Variants in DGKB observed in about 807,000 individuals in gnomAD.
DGKB encodes 90 kDa diacylglycerol kinase.
DGKB carries 67 observed loss-of-function variants against 114.3 expected under a neutral mutation model. The observed-to-expected ratio is 0.59, with a 90% CI of 0.48 to 0.72. DGKB has a LOEUF of 0.72. Among genes scored for constraint, DGKB ranks in the 30% least tolerant of loss-of-function variants. The probability of loss-of-function intolerance (pLI) is 0.00; values close to 1 mark genes in which losing one functional copy is unlikely to be tolerated. For synonymous variants in DGKB, 398 were observed against 323.1 expected, an observed-to-expected ratio of 1.23 and a Z score of -2.49; for missense variants, 907 against 975.2, an observed-to-expected ratio of 0.93 and a Z score of 0.93.
chr7:14,809,308 G>C (rs973637464), intron 2 of DGKB, among the ~76,000 whole-genome samples: 1 of 152,166 alleles, frequency 6.6e-6, no homozygotes, highest in Non-Finnish European at 1.5e-5. Context: ...TATAGTCCTA[G>C]TGCTCCTCAA....
chr7:14,654,424 G>T (rs1325463723), intron 13 of DGKB, among the ~76,000 whole-genome samples: 1 of 151,970 alleles, frequency 6.6e-6, no homozygotes. Context: ...CATGCTCATG[G>T]ATTAGAACAG....
chr7:14,150,395 C>CA (rs910489451), intron 25 of DGKB, among the ~76,000 whole-genome samples: 3 of 151,996 alleles, frequency 2.0e-5, no homozygotes, highest in Middle Eastern at 3.4e-3. Flanking sequence ...AGCAATGAAA[C>CA]AAAAAAATGT....
Position 14,827,419 on chromosome 7 carries a change from GGAGA to G in DGKB, c.70+13771_70+13774del, listed in dbSNP as rs368228854. 3.5e-4 allele frequency among the ~76,000 whole-genome samples: 53 copies of G among 149,734 alleles called. 1 individual carries two copies. Among genetic ancestry groups the G allele is most frequent in the South Asian group, 1.5e-3 (7 of 4,736 alleles). On this transcript the variant is annotated intron_variant, in intron 2 of 25. Coordinates refer to ENST00000402815, the MANE Select transcript of DGKB (RefSeq NM_001350709.2). ...GAGCATTTGCGGGGCAGAAAGACAG[GGAGA>G]GAGAGAGAGAGAGACAGACACAGAC... is the stretch of plus-strand genomic sequence containing the variant.
rs529201081 is a variant in DGKB at position 14,890,948 on chromosome 7, C to G, written c.-188+11644G>C. Among the ~76,000 whole-genome samples the G allele has an allele frequency of 2.0e-5, 3 of 150,856 alleles. No individual in the cohort carries two copies. The South Asian group carries it at 6.3e-4, about 31-fold the overall frequency. ...GAAAGCTCCAATGACTACACTTAGT[C>G]GAATTAAAAATAATTTCATTCTCTC... is the stretch of plus-strand genomic sequence containing the variant. On this transcript the variant is annotated intron_variant, in intron 1 of 25. Transcript: ENST00000402815.
intron 23 of DGKB, among the ~76,000 whole-genome samples, chr7:14,184,195 G>A (rs939462740): frequency 2.0e-5 from 3 of 152,276 alleles, no homozygotes; most frequent in East Asian, 1.9e-4. Context: ...GGGATCCAAC[G>A]GGAGGGTGAC....
Position 14,462,502 on chromosome 7 carries a change from C to G in DGKB, c.1835+15659G>C, listed in dbSNP as rs144877142. ...GTCATGAGTGAACTCCCATTCACAA[C>G]TGCTACAAAAAGAATAAAATACCTA... On this transcript the variant is annotated intron_variant, in intron 21 of 25. Transcript: ENST00000402815. 2.6e-3 allele frequency among the ~76,000 whole-genome samples: 392 copies of G among 152,138 alleles called. 2 individuals are homozygous for G. Among genetic ancestry groups the G allele is most frequent in the African/African-American group, 9.2e-3 (381 of 41,498 alleles).
chr7:14,426,613 T>C (rs888280727), intron 21 of DGKB, among the ~76,000 whole-genome samples: 6 of 152,186 alleles, frequency 3.9e-5, no homozygotes, highest in Admixed American at 3.9e-4. Context: ...GAGAATGAAG[T>C]ATCCTAGGCA....
At chr7:14,903,175 A>G (rs917353965), upstream of DGKB, 1 of 151,534 alleles carries the variant, frequency 6.6e-6, no homozygotes, top group Non-Finnish European at 1.5e-5. Flanking sequence ...TTAGTCCTTG[A>G]TTTATGTCAA....
intron 4 of DGKB, chr7:14,750,189 CA>C (rs777396995): frequency 3.9e-6 from 2 of 516,590 alleles, no homozygotes; most frequent in Non-Finnish European, 7.7e-6. Flanking sequence ...TTTCTAGCTT[CA>C]ATGCACATTA....
At chr7:14,239,167 A>AT (rs1260048179) in intron 23 of DGKB, among the ~76,000 whole-genome samples, 3 of 152,052 alleles carry the variant, frequency 2.0e-5, no homozygotes, top group Non-Finnish European at 2.9e-5. Context: ...TTCCTTTCAT[A>AT]TCTTTTCTGC....
At chr7:14,360,991 GA>G (rs571263781) in intron 21 of DGKB, among the ~76,000 whole-genome samples, 52 of 151,822 alleles carry the variant, frequency 3.4e-4, no homozygotes, top group South Asian at 2.1e-3. Context: ...CAAAAATCGA[GA>G]AAAAAATTAC....
intron 1 of DGKB, among the ~76,000 whole-genome samples, chr7:14,922,059 C>T (rs1381988715): frequency 6.6e-6 from 1 of 151,854 alleles, no homozygotes; most frequent in Non-Finnish European, 1.5e-5. Context: ...ATGATGACTT[C>T]GACAAAGAGC....
chr7:14,677,399 T>C lies in DGKB; in HGVS notation c.1036-4372A>G, dbSNP rs148739190. On this transcript the variant is annotated intron_variant, in intron 12 of 25. Transcript: ENST00000402815. Reference sequence around the variant, plus strand: ...CACCTGTTACACTGGCCCCTAATATTTTGCAGTTTGGGGTACTTCCTAAGA... The same window carrying C: ...CACCTGTTACACTGGCCCCTAATATCTTGCAGTTTGGGGTACTTCCTAAGA... 4.1e-3 allele frequency among the ~76,000 whole-genome samples: 617 copies of C among 152,146 alleles called. 5 individuals are homozygous for C. The highest frequency in any genetic ancestry group is 0.011 in the African/African-American group (471 of 41,538).
chr7:14,442,441 A>G (rs1247597060), intron 21 of DGKB, among the ~76,000 whole-genome samples: 2 of 152,004 alleles, frequency 1.3e-5, no homozygotes, highest in African/African-American at 4.8e-5. Context: ...CTTTCAGTAA[A>G]CAAATATCTA....
chr7:14,418,307 G>A (rs1237911406), intron 21 of DGKB, among the ~76,000 whole-genome samples: 11 of 88,772 alleles, frequency 1.2e-4, no homozygotes. Flanking sequence ...ATATATGTAT[G>A]TATATATGTA....
intron 20 of DGKB, among the ~76,000 whole-genome samples, chr7:14,515,661 G>T (rs901036564): frequency 6.6e-6 from 1 of 152,156 alleles, no homozygotes; most frequent in Non-Finnish European, 1.5e-5. Flanking sequence ...ATTCAGCACT[G>T]TTGTAATCTG....
chr7:14,338,405 C>G, intron 23 of DGKB, 110 bp downstream of exon 23: 1 of 577,802 alleles, frequency 1.7e-6, no homozygotes, highest in East Asian at 3.2e-5. Context: ...AAAAATACAA[C>G]TGTAAAAATA....
intron 17 of DGKB, among the ~76,000 whole-genome samples, chr7:14,596,870 A>C (rs778554270): frequency 3.9e-5 from 6 of 152,338 alleles, no homozygotes; most frequent in Non-Finnish European, 8.8e-5. Flanking sequence ...CATTGTTCAT[A>C]AAAATTCTTG....
intron 5 of DGKB, among the ~76,000 whole-genome samples, chr7:14,734,760 T>C (rs956866348): frequency 1.3e-5 from 2 of 152,248 alleles, no homozygotes; most frequent in South Asian, 2.1e-4. Flanking sequence ...CCATCTTTAA[T>C]ATGGCAAATA....
Sources: gnomAD v4.1 joint callset for allele counts (sites outside exome capture counted in the v4.1 genomes callset) on GRCh38, gnomAD v4.1.1 for gene constraint, MANE v1.5 for transcripts, NCBI Gene and HGNC (gene_info 2026-07-23, HGNC 2026-07-21) for gene names.